The following E2F7 variants were observed in gnomAD, a reference collection of about 807,000 sequenced individuals.
The protein encoded by E2F7 is E2F transcription factor 7.
A neutral mutation model predicts 81.1 loss-of-function variants in E2F7; 35 were observed. The observed-to-expected ratio is 0.43, with a 90% CI of 0.33 to 0.57. E2F7 has a LOEUF of 0.57. E2F7 is among the 20% of genes least tolerant of loss of function. The probability of loss-of-function intolerance (pLI) is 0.04; values close to 1 mark genes in which losing one functional copy is unlikely to be tolerated. For synonymous variants in E2F7, 416 were observed against 416.2 expected (o/e 1.00, Z 0.01); for missense variants, 961 against 1,093.7 (o/e 0.88, Z 1.71).
At chr12:77,049,468 G>A (rs74103252) in intron 4 of E2F7, among the ~76,000 whole-genome samples, 9,496 of 152,170 alleles carry the variant, frequency 0.062, 464 homozygotes, top group African/African-American at 0.13. Flanking sequence ...GCATGTTACT[G>A]ACATTATCCC....
chr12:77,036,534 CA>C (rs111300553), intron 7 of E2F7, among the ~76,000 whole-genome samples: 2 of 150,226 alleles, frequency 1.3e-5, no homozygotes, highest in African/African-American at 4.9e-5. Flanking sequence ...CCTTTGTCTC[CA>C]AAAAAAATAA....
Position 77,041,174 on chromosome 12 carries a change from G to A in E2F7, c.1123+1891C>T, listed in dbSNP as rs1411273767. On this transcript the variant is annotated intron_variant, in intron 7 of 12. Coordinates refer to ENST00000322886, the MANE Select transcript of E2F7 (RefSeq NM_203394.3). The stretch of plus-strand genomic sequence containing the variant: ...CGAACTCCTCGACTTCTCAACAGCC[G>A]CTCATCTTCCAGCTATCTTACTTTC... Among the ~76,000 whole-genome samples the A allele has an allele frequency of 3.3e-5, 5 of 152,120 alleles. No individual in the cohort carries two copies. The East Asian group carries it at 5.8e-4, about 18-fold the overall frequency.
chr12:77,050,609 T>G lies in E2F7; in HGVS notation c.505A>C (p.Thr169Pro). Residue 169 changes from threonine (T) to proline (P), a missense_variant, in exon 4 of 13, where the codon ACC becomes CCC. By Grantham distance (38) the Thr-to-Pro change is conservative. This residue lies in a region of E2F7 where 301 missense variants were observed against 405.0 expected (regional missense o/e 0.74). Transcript: ENST00000322886. ...PSYPLSTEKT[T>P]ISLDEVAVSL... ...ACAGCAACTTCATCTAGGGAGATGG[T>G]AGTTTTCTCAGTTGACAAGGGATAA... is the stretch of plus-strand genomic sequence containing the variant. 6.2e-7 allele frequency: 1 copy of G among 1,614,070 alleles called. No homozygotes were observed. Among genetic ancestry groups the G allele is most frequent in the Non-Finnish European group, 8.5e-7 (1 of 1,179,946 alleles).
At chr12:77,045,894 TTC>T (rs1421994491) in intron 5 of E2F7, 142 bp downstream of exon 5, 2 of 1,090,108 alleles carry the variant, frequency 1.8e-6, no homozygotes, top group African/African-American at 3.2e-5. Flanking sequence ...AGCCATCTGC[TTC>T]TCTTTCTTCA....
Position 77,031,330 on chromosome 12 carries a change from G to A in E2F7, c.1383-998C>T, listed in dbSNP as rs146457081. ...TTAGTATATTTTTAGGAATAGAGAA[G>A]AACGATCCTTTAAGAAATAGGAACA... is the stretch of plus-strand genomic sequence containing the variant. On this transcript the variant is annotated intron_variant, in intron 9 of 12. Transcript: ENST00000322886. 4.6e-5 allele frequency among the ~76,000 whole-genome samples: 7 copies of A among 152,292 alleles called. No homozygotes were observed. The East Asian group carries it at 1.2e-3, about 25-fold the overall frequency.
At position 77,033,141 on chromosome 12, in the gene E2F7, G is replaced by A. The variant is rs757182642; in HGVS notation, c.1310-19C>T. ...CCTGATCCTGAAAAGGAAGATGAAG[G>A]CTTAACAAATATAGCAAGAGACTTA... On this transcript the variant is annotated intron_variant, in intron 8 of 12. Coordinates refer to ENST00000322886, the MANE Select transcript of E2F7 (RefSeq NM_203394.3). 1 of 1,610,818 alleles carries A rather than the reference G, an allele frequency of 6.2e-7. No individual in the cohort carries two copies. The highest frequency in any genetic ancestry group is 1.7e-5 in the Admixed American group (1 of 59,852).
intron 8 of E2F7, 145 bp downstream of exon 8, chr12:77,033,711 AG>A (rs1446720142): frequency 2.9e-6 from 2 of 700,070 alleles, no homozygotes; most frequent in East Asian, 5.8e-5. Context: ...GTTTCACTTC[AG>A]CTAAGTAAAA....
At chr12:77,040,956 G>T (rs987560403) in intron 7 of E2F7, among the ~76,000 whole-genome samples, 1 of 152,208 alleles carries the variant, frequency 6.6e-6, no homozygotes, top group Non-Finnish European at 1.5e-5. Context: ...TGCTAGCCAA[G>T]GGGTGAAGGA....
chr12:77,044,916 G>A (rs1030529228), intron 5 of E2F7, 121 bp from the exon 6 acceptor site: 10 of 1,165,134 alleles, frequency 8.6e-6, no homozygotes, highest in South Asian at 8.2e-5. Flanking sequence ...CTTGTCATTG[G>A]CAGAAGCTTA....
In E2F7 at chr12:77,055,937, G is replaced by C. The variant is rs770208619; in HGVS notation, c.287C>G (p.Pro96Arg). ...NLKMLISAAS[P>R]DIRDREKKKG... is the part of the protein sequence containing the mutation. ...TTTCTTCTCCCGGTCCCTTATATCT[G>C]GGCTGGCAGCACTAATGAGCATCTT... Residue 96 changes from proline to arginine, a missense_variant, in exon 3 of 13, where the codon CCA becomes CGA. Pro to Arg is a moderately radical substitution (Grantham distance 103). Coordinates refer to ENST00000322886, the MANE Select transcript of E2F7 (RefSeq NM_203394.3). 17 of 1,614,070 alleles carry C rather than the reference G, an allele frequency of 1.1e-5. No individual in the cohort carries two copies. The Admixed American group carries it at 2.7e-4, about 25-fold the overall frequency.
intron 2 of E2F7, among the ~76,000 whole-genome samples, chr12:77,062,197 G>T (rs757028135): frequency 6.6e-5 from 10 of 152,094 alleles, no homozygotes; most frequent in Non-Finnish European, 1.5e-4. Context: ...AATGTGGGGA[G>T]TATTATATAT....
Position 77,030,450 on chromosome 12 carries a change from A to C in E2F7, c.1383-118T>G. ...AGATAATACTCCTCAGGCAGATACG[A>C]AAGCGCACTTGCTGAGCACGTGTTA... is the stretch of plus-strand genomic sequence containing the variant. On this transcript the variant is annotated intron_variant, in intron 9 of 12. Transcript: ENST00000322886. The C allele has an allele frequency of 7.7e-6, 10 of 1,293,062 alleles. 1 individual carries two copies. In the South Asian group the frequency reaches 1.6e-4, roughly 21 times the overall value. 80.1% of individuals were successfully genotyped at this position (1,293,062 alleles called of 1,614,324 possible).
Position 77,056,076 on chromosome 12 carries a change from C to A in E2F7, c.148G>T (p.Glu50Ter), listed in dbSNP as rs1183030855. 6.2e-7 allele frequency: 1 copy of A among 1,613,942 alleles called. No individual in the cohort carries two copies. Reference protein sequence around the residue: ...RMAPKTPIKNEPIDLSKQKKF... With the variant: ...RMAPKTPIKN ...TTTTGCTTCGATAAATCAATTGGTT[C>A]ATTTTTTATTGGAGTCTTCGGGGCC... The change falls in exon 3 of 13, where the codon GAA becomes TAA. Residue 50 changes from glutamate (E) to a stop codon, truncating the protein, a stop_gained. Transcript: ENST00000322886. LOFTEE classifies it high-confidence loss of function.
At position 77,022,632 on chromosome 12, in the gene E2F7, A is replaced by C. The variant is rs1360594350; in HGVS notation, c.*1383T>G. 1 of 152,570 alleles carries C rather than the reference A, an allele frequency of 6.6e-6. No homozygotes were observed. The highest frequency in any genetic ancestry group is 1.5e-5 in the Non-Finnish European group (1 of 68,010). The allele number at this position is 152,570 out of a possible 1,614,324, so 9.5% of individuals were successfully genotyped here. ...TTTAAGAGAGGAAGAGGAAGGAAGA[A>C]AAGAAGTAGGAAGGAGGGAAGGAAG... On this transcript the variant is annotated 3_prime_UTR_variant, in exon 13 of 13. Coordinates refer to ENST00000322886, the MANE Select transcript of E2F7 (RefSeq NM_203394.3).
chr12:77,065,320 A>G (rs899677717), intron 1 of E2F7, 25 bp downstream of exon 1: 2 of 152,304 alleles, frequency 1.3e-5, no homozygotes, highest in African/African-American at 2.4e-5. Context: ...CCGCCTCCCC[A>G]CTGGCGCTGG....
At chr12:77,049,267 CTTGA>C (rs1317095096) in intron 4 of E2F7, among the ~76,000 whole-genome samples, 2 of 152,190 alleles carry the variant, frequency 1.3e-5, no homozygotes, top group African/African-American at 2.4e-5. Context: ...CTTTCCCTTT[CTTGA>C]TTAATTGCCC....
Position 77,021,473 on chromosome 12 carries a change from A to T in E2F7, c.*2542T>A, listed in dbSNP as rs917663112. On this transcript the variant is annotated 3_prime_UTR_variant, in exon 13 of 13. Transcript: ENST00000322886. ...CCTACATACAACTAGCAGTGCAATA[A>T]GATAAGCAGAAAGCAGCTTTACGTT... is the stretch of plus-strand genomic sequence containing the variant. 1 of 151,396 alleles carries T rather than the reference A, an allele frequency of 6.6e-6. No homozygotes were observed. Among genetic ancestry groups the T allele is most frequent in the African/African-American group, 2.5e-5 (1 of 40,242 alleles). The allele number at this position is 151,396 out of a possible 1,614,324, so 9.4% of individuals were successfully genotyped here.
Position 77,024,198 on chromosome 12 carries a change from A to T in E2F7, c.2566-13T>A, listed in dbSNP as rs1565891645. The T allele has an allele frequency of 6.2e-7, 1 of 1,610,596 alleles. No individual in the cohort carries two copies. Reference sequence around the variant, plus strand: ...CTGGAACTGGTGACTGAAAAAAGAAAAAAGAAAAAACAGAAGTGAAGTCAT... The same window carrying T: ...CTGGAACTGGTGACTGAAAAAAGAATAAAGAAAAAACAGAAGTGAAGTCAT... On this transcript the variant is annotated splice_polypyrimidine_tract_variant and intron_variant, in intron 12 of 12. Transcript: ENST00000322886.
At position 77,022,602 on chromosome 12, in the gene E2F7, A is replaced by G. The variant is rs1341254831; in HGVS notation, c.*1413T>C. On this transcript the variant is annotated 3_prime_UTR_variant, in exon 13 of 13. Coordinates refer to ENST00000322886, the MANE Select transcript of E2F7 (RefSeq NM_203394.3). Reference sequence around the variant, plus strand: ...CCTACACCAGGATTCTACATCTAAGATAGTTTTAAGAGAGGAAGAGGAAGG... The same window carrying G: ...CCTACACCAGGATTCTACATCTAAGGTAGTTTTAAGAGAGGAAGAGGAAGG... 1 of 152,548 alleles carries G rather than the reference A, an allele frequency of 6.6e-6. No individual in the cohort carries two copies. The highest frequency in any genetic ancestry group is 2.4e-5 in the African/African-American group (1 of 41,420). 9.4% of individuals were successfully genotyped at this position (152,548 alleles called of 1,614,324 possible). A position where few individuals can be genotyped will look rare whatever the true frequency, so the allele number is the denominator to read the frequency against.
Sources: allele counts gnomAD v4.1 joint callset (sites outside exome capture counted in the v4.1 genomes callset), GRCh38; gene constraint gnomAD v4.1.1; regional missense constraint gnomAD v4.1.1; transcripts MANE v1.5; gene names NCBI Gene and HGNC (gene_info 2026-07-23, HGNC 2026-07-21).